TIMM44: variants seen among roughly 807,000 people sequenced by gnomAD.
TIMM44 encodes mitochondrial import inner membrane translocase subunit TIM44.
A neutral mutation model predicts 63.8 loss-of-function variants in TIMM44; 37 were observed. That is an observed-to-expected ratio of 0.58 (90% CI 0.45 to 0.76). The LOEUF is 0.76. Ranked by LOEUF, TIMM44 falls within the 30% of genes least tolerant of loss-of-function variation. The pLI is 0.00. For missense variants in TIMM44, 573 were observed against 603.8 expected, an observed-to-expected ratio of 0.95 and a Z score of 0.54; for synonymous variants, 239 against 245.1, an observed-to-expected ratio of 0.98 and a Z score of 0.23.
rs1173023868 is a variant in TIMM44, at chr19:7,943,637, GGCC to G, written c.12_14del (p.Ala5del). 15 of 1,568,220 alleles carry G rather than the reference GGCC, an allele frequency of 9.6e-6. No individual in the cohort carries two copies. The highest frequency in any genetic ancestry group is 4.6e-5 in the South Asian group (4 of 86,750). ...GACAGCGGCACCAGCCACTCCGCAG[GGCC>G]GCCGCCGCCATGTTGGAGAATCGTG... is the stretch of plus-strand genomic sequence containing the variant. On this transcript the variant is annotated inframe_deletion, in exon 1 of 13. Coordinates refer to ENST00000270538, the MANE Select transcript of TIMM44 (RefSeq NM_006351.4). The surrounding 1 kb of genome is among the most constrained non-coding windows in gnomAD (Gnocchi z 4.3).
Position 7,943,551 on chromosome 19 carries a change from G to T in TIMM44, c.45+56C>A. 1 of 1,546,442 alleles carries T rather than the reference G, an allele frequency of 6.5e-7. No individual in the cohort carries two copies. The highest frequency in any genetic ancestry group is 8.7e-7 in the Non-Finnish European group (1 of 1,149,450). On this transcript the variant is annotated intron_variant, in intron 1 of 12. Coordinates refer to ENST00000270538, the MANE Select transcript of TIMM44 (RefSeq NM_006351.4). This position sits in a 1 kb window ranked among gnomAD's most constrained non-coding sequence, Gnocchi z 4.3. ...AGGGTCTGAGAAGAAAGCCTTGGTG[G>T]CCGAAGGCCCAGAAGACCCCTAAGC...
chr19:7,934,933 G>A lies in TIMM44; in HGVS notation c.393+132C>T, dbSNP rs1011505229. 7.6e-6 allele frequency: 6 copies of A among 788,794 alleles called. No individual in the cohort carries two copies. The highest frequency in any genetic ancestry group is 6.2e-5 in the Admixed American group (3 of 48,686). The allele number at this position is 788,794 out of a possible 1,614,324, so 48.9% of individuals were successfully genotyped here. A position where few individuals can be genotyped will look rare whatever the true frequency, so the allele number is the denominator to read the frequency against. On this transcript the variant is annotated intron_variant, in intron 4 of 12. Transcript: ENST00000270538. This position sits in a 1 kb window ranked among gnomAD's most constrained non-coding sequence, Gnocchi z 5.3. ...CCGGGAACTCCTGAAACCTTCCCGA[G>A]GGTGGCAGCACGCCCCATGCCACCC...
intron 1 of TIMM44, among the ~76,000 whole-genome samples, chr19:7,941,410 C>A (rs543600264): frequency 1.3e-4 from 20 of 151,882 alleles, no homozygotes; most frequent in African/African-American, 4.6e-4. Context: ...GCCTCAGTCT[C>A]CCGAGTAGCT....
At position 7,926,937 on chromosome 19, in the gene TIMM44, A is replaced by G. The variant is rs1303177199; in HGVS notation, c.*250T>C. 6.0e-6 allele frequency: 3 copies of G among 501,622 alleles called. No individual in the cohort carries two copies. The highest frequency in any genetic ancestry group is 7.3e-6 in the Non-Finnish European group (2 of 275,748). 31.1% of individuals were successfully genotyped at this position (501,622 alleles called of 1,614,324 possible). A position where few individuals can be genotyped will look rare whatever the true frequency, so the allele number is the denominator to read the frequency against. ...TGACCTGTGTGCACCCCAGGTGACCAGGCGCCGGGACCCCTGCAGGGCAGA... is the reference window on the plus strand; with the variant it reads ...TGACCTGTGTGCACCCCAGGTGACCGGGCGCCGGGACCCCTGCAGGGCAGA... On this transcript the variant is annotated 3_prime_UTR_variant, in exon 13 of 13. Transcript: ENST00000270538.
Position 7,928,071 on chromosome 19 carries a change from G to A in TIMM44, c.1128+6C>T, listed in dbSNP as rs1983867329. 2.5e-6 allele frequency: 4 copies of A among 1,612,926 alleles called. No homozygotes were observed. In the South Asian group the frequency reaches 4.4e-5, roughly 18 times the overall value. On this transcript the variant is annotated splice_donor_region_variant and intron_variant, in intron 11 of 12. Transcript: ENST00000270538. ...GTGGCCCGGGCCCCCACTGCGAGGT[G>A]CTTACGTCGACGTTGTCAATGTCTA...
In TIMM44 at chr19:7,928,098, G is replaced by A. The variant is rs756525735; in HGVS notation, c.1107C>T (p.Ile369=). The A allele has an allele frequency of 1.9e-6, 3 of 1,614,084 alleles. No individual in the cohort carries two copies. The South Asian group carries it at 3.3e-5, about 18-fold the overall frequency. ...TTACGTCGACGTTGTCAATGTCTAG[G>A]ATGCGAGAATGGAACTGGAGACCCA... ...KALGLQFHSR[I]LDIDNVDLAM... The change falls in exon 11 of 13, where the codon ATC becomes ATT. Residue 369 remains isoleucine (I), a synonymous_variant. Coordinates refer to ENST00000270538, the MANE Select transcript of TIMM44 (RefSeq NM_006351.4).
In TIMM44 at chr19:7,938,240, G is replaced by A. The variant is rs377052882; in HGVS notation, c.142-43C>T. 3.9e-6 allele frequency: 6 copies of A among 1,540,540 alleles called. No individual in the cohort carries two copies. In the African/African-American group the frequency reaches 6.9e-5, roughly 18 times the overall value. On this transcript the variant is annotated intron_variant, in intron 2 of 12. Transcript: ENST00000270538. ...GAAAAAAAATTTAAAGAACATAGTAGAACATAGAATGAAATGCCCCACAGA... is the reference window on the plus strand; with the variant it reads ...GAAAAAAAATTTAAAGAACATAGTAAAACATAGAATGAAATGCCCCACAGA...
rs537095368 is a variant in TIMM44 at position 7,937,140 on chromosome 19, G to A, written c.312+887C>T. 2.0e-5 allele frequency among the ~76,000 whole-genome samples: 3 copies of A among 152,182 alleles called. No homozygotes were observed. The East Asian group carries it at 5.8e-4, about 29-fold the overall frequency. On this transcript the variant is annotated intron_variant, in intron 3 of 12. Transcript: ENST00000270538. ...AACAACAACAACAAATCAGCTGGGT[G>A]TGGTGGCGGGCGCCTGTAATCCCAG...
chr19:7,926,800 A>T lies in TIMM44; in HGVS notation c.*387T>A. On this transcript the variant is annotated 3_prime_UTR_variant, in exon 13 of 13. Coordinates refer to ENST00000270538, the MANE Select transcript of TIMM44 (RefSeq NM_006351.4). ...GGAAGAGCACTGTTAAAATTAAAAAATGGACCTAAAGTGGCTTGGCTGACG... is the reference window on the plus strand; with the variant it reads ...GGAAGAGCACTGTTAAAATTAAAAATTGGACCTAAAGTGGCTTGGCTGACG... The T allele has an allele frequency of 3.3e-6, 1 of 303,102 alleles. No homozygotes were observed. Among genetic ancestry groups the T allele is most frequent in the South Asian group, 3.2e-5 (1 of 31,710 alleles). 18.8% of individuals were successfully genotyped at this position (303,102 alleles called of 1,614,324 possible).
At position 7,926,907 on chromosome 19, in the gene TIMM44, CTG is replaced by C. The variant is rs1225876375; in HGVS notation, c.*278_*279del. On this transcript the variant is annotated 3_prime_UTR_variant, in exon 13 of 13. Coordinates refer to ENST00000270538, the MANE Select transcript of TIMM44 (RefSeq NM_006351.4). Reference sequence around the variant, plus strand: ...CCCTGGGCCCTGGGGCCTCTTGGCACTGTGTGACCTGTGTGCACCCCAGGTGA... The same window carrying C: ...CCCTGGGCCCTGGGGCCTCTTGGCACTGTGACCTGTGTGCACCCCAGGTGA... 1.1e-5 allele frequency: 5 copies of C among 453,688 alleles called. No individual in the cohort carries two copies. The highest frequency in any genetic ancestry group is 2.1e-5 in the Non-Finnish European group (5 of 243,482). The allele number at this position is 453,688 out of a possible 1,614,324, so 28.1% of individuals were successfully genotyped here. A position where few individuals can be genotyped will look rare whatever the true frequency, so the allele number is the denominator to read the frequency against.
intron 12 of TIMM44, 133 bp downstream of exon 12, chr19:7,927,524 C>T: frequency 8.9e-7 from 1 of 1,118,602 alleles, no homozygotes. Context: ...AACTCTGGCC[C>T]AGAGGTTTCT....
intron 2 of TIMM44, 73 bp downstream of exon 2, chr19:7,941,029 C>T: frequency 8.1e-7 from 1 of 1,237,042 alleles, no homozygotes; most frequent in East Asian, 2.3e-5. Context: ...CCCCACCCCT[C>T]CCTCCTGCCA....
Position 7,927,773 on chromosome 19 carries a change from G to T in TIMM44, c.1129-6C>A, listed in dbSNP as rs777136110. ...ATCATCTTGCCCATGGCCAGCTGCA[G>T]AGGGGCCGAGAGGGGGGATGTGCCT... is the stretch of plus-strand genomic sequence containing the variant. On this transcript the variant is annotated splice_region_variant and splice_polypyrimidine_tract_variant and intron_variant, in intron 11 of 12. Transcript: ENST00000270538. 10 of 1,608,234 alleles carry T rather than the reference G, an allele frequency of 6.2e-6. No individual in the cohort carries two copies. The highest frequency in any genetic ancestry group is 8.5e-6 in the Non-Finnish European group (10 of 1,179,310).
At chr19:7,929,778 GCAGTCGGCCCC>G (rs1478608835) in intron 10 of TIMM44, among the ~76,000 whole-genome samples, 1 of 152,086 alleles carries the variant, frequency 6.6e-6, no homozygotes. Flanking sequence ...CTGAAATAGG[GCAGTCGGCCCC>G]CAGACACCTC....
intron 3 of TIMM44, 21 bp from the exon 4 acceptor site, chr19:7,935,166 C>CATTT: frequency 6.9e-7 from 1 of 1,453,858 alleles, no homozygotes; most frequent in Middle Eastern, 1.9e-4. Flanking sequence ...AGCGCTGTGT[C>CATTT]CTTTTTTTTT....
chr19:7,931,725 CCGATGAGGGGGAGGGAGGTGCCTGGAG>C (rs1474173163), intron 9 of TIMM44: 2 of 163,938 alleles, frequency 1.2e-5, no homozygotes, highest in Admixed American at 6.0e-5. Context: ...TGGGCCGGAT[CCGATGAGGGGGAGGGAGGTGCCTGGAG>C]CGGGGAGAAG....
rs1201263647 is a variant in TIMM44 at position 7,927,782 on chromosome 19, A to G, written c.1129-15T>C. On this transcript the variant is annotated splice_polypyrimidine_tract_variant and intron_variant, in intron 11 of 12. Transcript: ENST00000270538. The stretch of plus-strand genomic sequence containing the variant: ...CCCATGGCCAGCTGCAGAGGGGCCG[A>G]GAGGGGGGATGTGCCTCAGAGGACA... 6.2e-7 allele frequency: 1 copy of G among 1,607,026 alleles called. No homozygotes were observed. Among genetic ancestry groups the G allele is most frequent in the Admixed American group, 1.7e-5 (1 of 60,022 alleles).
chr19:7,933,144 C>T lies in TIMM44; in HGVS notation c.770-212G>A, dbSNP rs555723660. ...GCCAGGCGCAGAGGCCCCTCAGCTG[C>T]GGCCCTAATGGGGCTGTGTAAGTTA... On this transcript the variant is annotated intron_variant, in intron 7 of 12. Coordinates refer to ENST00000270538, the MANE Select transcript of TIMM44 (RefSeq NM_006351.4). This position sits in a 1 kb window ranked among gnomAD's most constrained non-coding sequence, Gnocchi z 4.3. Among the ~76,000 whole-genome samples, 213 of 152,274 alleles carry T rather than the reference C, an allele frequency of 1.4e-3. No homozygotes were observed. The highest frequency in any genetic ancestry group is 3.5e-3 in the Admixed American group (54 of 15,300).
In TIMM44 at chr19:7,934,325, G is replaced by A; in HGVS notation, c.394-87C>T. 2 of 1,559,042 alleles carry A rather than the reference G, an allele frequency of 1.3e-6. No homozygotes were observed. Among genetic ancestry groups the A allele is most frequent in the Non-Finnish European group, 1.7e-6 (2 of 1,143,850 alleles). Reference sequence around the variant, plus strand: ...AGGAGGAATGAATTCCTGCCGGAGAGAAGGGCGGATCTGGTTCCCCGAGGC... The same window carrying A: ...AGGAGGAATGAATTCCTGCCGGAGAAAAGGGCGGATCTGGTTCCCCGAGGC... On this transcript the variant is annotated intron_variant, in intron 4 of 12. Coordinates refer to ENST00000270538, the MANE Select transcript of TIMM44 (RefSeq NM_006351.4). This position sits in a 1 kb window ranked among gnomAD's most constrained non-coding sequence, Gnocchi z 5.3.
Sources: allele counts gnomAD v4.1 joint callset (sites outside exome capture counted in the v4.1 genomes callset), GRCh38; gene constraint gnomAD v4.1.1; non-coding constraint Gnocchi (gnomAD v3.1); transcripts MANE v1.5; gene names NCBI Gene and HGNC (gene_info 2026-07-23, HGNC 2026-07-21).